The following SNX29 variants were observed in gnomAD, a reference collection of about 807,000 sequenced individuals.
SNX29 encodes the protein sorting nexin 29, also known as sorting nexin-29.
SNX29 carries 78 observed loss-of-function variants against 102.1 expected under a neutral mutation model. That is an observed-to-expected ratio of 0.76 (90% confidence interval 0.64 to 0.92). The LOEUF (loss-of-function observed/expected upper bound fraction) is 0.92. Ranked by LOEUF, SNX29 falls within the 40% of genes least tolerant of loss-of-function variation. The pLI, the probability that SNX29 is intolerant of heterozygous loss-of-function variation, is 0.00. For missense variants in SNX29, 1,280 were observed against 1,061.7 expected, an observed-to-expected ratio of 1.21 and a Z score of -2.86; for synonymous variants, 580 against 414.5, an observed-to-expected ratio of 1.40 and a Z score of -4.85.
intron 20 of SNX29, among the ~76,000 whole-genome samples, chr16:12,549,968 C>G (rs1209956151): frequency 1.3e-5 from 2 of 152,196 alleles, no homozygotes; most frequent in African/African-American, 4.8e-5. Flanking sequence ...GGAACATGCC[C>G]AGTCATTCAC....
At chr16:12,534,644 C>G (rs1025275413) in intron 20 of SNX29, among the ~76,000 whole-genome samples, 61 of 152,318 alleles carry the variant, frequency 4.0e-4, no homozygotes, top group Non-Finnish European at 2.5e-4. Context: ...TAAAATTCAC[C>G]TGAAGGAGTT....
intron 9 of SNX29, among the ~76,000 whole-genome samples, chr16:12,065,990 C>T (rs1460798041): frequency 6.6e-6 from 1 of 152,200 alleles, no homozygotes; most frequent in Non-Finnish European, 1.5e-5. Flanking sequence ...ATGCTGTGTG[C>T]ACCCCAGAGC....
chr16:12,366,877 TC>T, intron 16 of SNX29: 1 of 150,082 alleles, frequency 6.7e-6, no homozygotes, highest in Non-Finnish European at 1.5e-5. Flanking sequence ...GTCTGTCTCT[TC>T]CCCCTGCCTG....
At chr16:12,419,451 GGA>G (rs2084781062) in intron 18 of SNX29, among the ~76,000 whole-genome samples, 1 of 152,154 alleles carries the variant, frequency 6.6e-6, no homozygotes, top group Non-Finnish European at 1.5e-5. Context: ...GGTTGCGGGA[GGA>G]GGAAATCCAG....
intron 9 of SNX29, among the ~76,000 whole-genome samples, chr16:12,062,574 G>A (rs2050824983): frequency 6.6e-6 from 1 of 152,110 alleles, no homozygotes; most frequent in African/African-American, 2.4e-5. Flanking sequence ...AGCTGGCACA[G>A]CATCTGGCTC....
intron 3 of SNX29, among the ~76,000 whole-genome samples, chr16:12,012,101 T>C (rs2056673986): frequency 6.6e-6 from 1 of 152,202 alleles, no homozygotes; most frequent in African/African-American, 2.4e-5. Context: ...GATGAGATGG[T>C]TGCTGTCTTC....
At chr16:12,156,319 A>G (rs2055548597) in intron 13 of SNX29, among the ~76,000 whole-genome samples, 1 of 152,186 alleles carries the variant, frequency 6.6e-6, no homozygotes, top group African/African-American at 2.4e-5. Flanking sequence ...GACTACAGGC[A>G]CCCACCACCA....
chr16:12,491,045 C>T (rs181513807), intron 19 of SNX29, among the ~76,000 whole-genome samples: 15 of 152,344 alleles, frequency 9.8e-5, no homozygotes, highest in African/African-American at 3.1e-4. Context: ...AACTGCTGTT[C>T]TTCACCAATA....
rs553909342 is a variant in SNX29, at chr16:12,270,461, C to T, written c.1679-7472C>T. 4.1e-4 allele frequency among the ~76,000 whole-genome samples: 63 copies of T among 152,224 alleles called. 1 individual carries two copies. Among genetic ancestry groups the T allele is most frequent in the South Asian group, 6.2e-4 (3 of 4,820 alleles). On this transcript the variant is annotated intron_variant, in intron 14 of 20. Transcript: ENST00000566228. Reference sequence around the variant, plus strand: ...ACTCCCAAGGCAAATTGAACCTTCTCGACTTGAAAGTAAATCCGATGTTGT... The same window carrying T: ...ACTCCCAAGGCAAATTGAACCTTCTTGACTTGAAAGTAAATCCGATGTTGT...
chr16:12,563,751 C>G (rs187789171), intron 20 of SNX29, among the ~76,000 whole-genome samples: 2,264 of 152,324 alleles, frequency 0.015, 58 homozygotes, highest in African/African-American at 0.051. Flanking sequence ...ACCCAACAGC[C>G]ACAACTTCTC....
intron 15 of SNX29, among the ~76,000 whole-genome samples, chr16:12,345,735 GGA>G (rs2081778944): frequency 6.6e-6 from 1 of 152,180 alleles, no homozygotes; most frequent in African/African-American, 2.4e-5. Flanking sequence ...GGGCACAGTG[GGA>G]AGGTGGGGGT....
chr16:12,356,405 T>G, intron 16 of SNX29, 126 bp downstream of exon 16: 1 of 723,268 alleles, frequency 1.4e-6, no homozygotes, highest in Non-Finnish European at 2.2e-6. Flanking sequence ...CATTCACCTC[T>G]GCCACATTTG....
At chr16:12,037,323 C>A (rs981774000) in intron 4 of SNX29, among the ~76,000 whole-genome samples, 6 of 152,066 alleles carry the variant, frequency 3.9e-5, no homozygotes, top group Non-Finnish European at 8.8e-5. Flanking sequence ...TTGCTGACCT[C>A]AGCTCCTGGA....
chr16:12,540,506 G>A (rs537106168), intron 20 of SNX29, among the ~76,000 whole-genome samples: 105 of 152,348 alleles, frequency 6.9e-4, no homozygotes, highest in African/African-American at 2.3e-3. Context: ...GCGCCTTCTC[G>A]AGGTTGTGGG....
At chr16:12,320,993 T>C (rs143955638) in intron 15 of SNX29, among the ~76,000 whole-genome samples, 1 of 152,334 alleles carries the variant, frequency 6.6e-6, no homozygotes, top group Non-Finnish European at 1.5e-5. Context: ...AAATCAGGAC[T>C]GAGGCGATAA....
intron 20 of SNX29, among the ~76,000 whole-genome samples, chr16:12,529,598 G>A (rs2076877955): frequency 6.6e-6 from 1 of 152,192 alleles, no homozygotes; most frequent in Admixed American, 6.5e-5. Flanking sequence ...GGGCTGGAAG[G>A]TGGCAGAGTA....
At chr16:12,124,513 G>A (rs890202700) in intron 11 of SNX29, among the ~76,000 whole-genome samples, 1 of 152,190 alleles carries the variant, frequency 6.6e-6, no homozygotes, top group Admixed American at 6.5e-5. Flanking sequence ...CCTTAGCGGA[G>A]TTGGTCTTTT....
At chr16:12,377,846 G>C (rs2082934300) in intron 16 of SNX29, among the ~76,000 whole-genome samples, 1 of 152,168 alleles carries the variant, frequency 6.6e-6, no homozygotes, top group African/African-American at 2.4e-5. Flanking sequence ...GACTGCCATG[G>C]TCTGTGGCCT....
chr16:12,566,131 G>A (rs886551048), intron 20 of SNX29, among the ~76,000 whole-genome samples: 1 of 152,234 alleles, frequency 6.6e-6, no homozygotes, highest in African/African-American at 2.4e-5. Flanking sequence ...AAGGCTCAGA[G>A]GGCAGGCATT....
Sources: gnomAD v4.1 joint callset for allele counts (sites outside exome capture counted in the v4.1 genomes callset) on GRCh38, gnomAD v4.1.1 for gene constraint, MANE v1.5 for transcripts, NCBI Gene and HGNC (gene_info 2026-07-23, HGNC 2026-07-21) for gene names.